Variants in NCOA1 observed in about 807,000 individuals in gnomAD.
NCOA1 encodes Hin-2 protein.
In NCOA1, 35 loss-of-function variants were observed where a neutral mutation model predicts 150.9. The ratio of observed to expected loss-of-function variants is 0.23; its 90% confidence interval spans 0.18 to 0.31. NCOA1 has a LOEUF of 0.31. NCOA1 is among the 10% of genes least tolerant of loss of function. The pLI, the probability that NCOA1 is intolerant of heterozygous loss-of-function variation, is 1.00. For synonymous variants in NCOA1, 590 were observed against 630.0 expected, an observed-to-expected ratio of 0.94 and a Z score of 0.95; for missense variants, 1,491 against 1,749.3, an observed-to-expected ratio of 0.85 and a Z score of 2.63.
intron 3 of NCOA1, among the ~76,000 whole-genome samples, chr2:24,642,040 G>GCGCA (rs1426055780): frequency 6.6e-5 from 10 of 150,486 alleles, no homozygotes; most frequent in Non-Finnish European, 4.4e-5. Context: ...GTGTGTGTGC[G>GCGCA]CGCGTGCGTA....
chr2:24,536,692 C>T (rs1665159380), intron 1 of NCOA1, among the ~76,000 whole-genome samples: 1 of 152,014 alleles, frequency 6.6e-6, no homozygotes, highest in Non-Finnish European at 1.5e-5. Context: ...GTTAGTTTTC[C>T]TTCTAACACT....
chr2:24,668,325 T>A (rs536202739), intron 6 of NCOA1, among the ~76,000 whole-genome samples: 1 of 152,278 alleles, frequency 6.6e-6, no homozygotes, highest in Admixed American at 6.5e-5. Flanking sequence ...AGCCCTCATG[T>A]AGTGCCCAGC....
rs778307197 is a variant in NCOA1, at chr2:24,728,276, G to A, written c.2718-32G>A. The A allele has an allele frequency of 6.4e-6, 10 of 1,574,154 alleles. No homozygotes were observed. The East Asian group carries it at 1.8e-4, about 28-fold the overall frequency. The stretch of plus-strand genomic sequence containing the variant: ...ATTGAATAAATTATTTGCTATGTCA[G>A]TCTGAAACTTTCTTGTTTTTTAATC... On this transcript the variant is annotated intron_variant, in intron 15 of 22. Transcript: ENST00000348332.
At chr2:24,724,401 T>C (rs1001983381) in intron 14 of NCOA1, among the ~76,000 whole-genome samples, 3 of 152,166 alleles carry the variant, frequency 2.0e-5, no homozygotes, top group Non-Finnish European at 4.4e-5. Flanking sequence ...GAAGCATACC[T>C]TCACATTTTT....
chr2:24,540,550 C>A (rs930637442), intron 1 of NCOA1, among the ~76,000 whole-genome samples: 8 of 151,966 alleles, frequency 5.3e-5, no homozygotes, highest in Admixed American at 3.3e-4. Flanking sequence ...CCTCTGCCTC[C>A]CAGGTTCAAG....
intron 3 of NCOA1, among the ~76,000 whole-genome samples, chr2:24,600,671 G>C (rs1381452747): frequency 6.6e-6 from 1 of 152,148 alleles, no homozygotes; most frequent in East Asian, 1.9e-4. Context: ...CACTGTGCTT[G>C]AGCCTACATC....
chr2:24,648,610 T>C (rs544010148), intron 4 of NCOA1, among the ~76,000 whole-genome samples: 141 of 152,260 alleles, frequency 9.3e-4, no homozygotes, highest in African/African-American at 3.3e-3. Context: ...CCCTTTCAGG[T>C]TGGGAGGGTG....
At chr2:24,706,005 T>G (rs1050269751) in intron 12 of NCOA1, among the ~76,000 whole-genome samples, 1 of 152,176 alleles carries the variant, frequency 6.6e-6, no homozygotes, top group Non-Finnish European at 1.5e-5. Context: ...TCTTTTTTTT[T>G]CATATTGTGA....
chr2:24,736,221 CAAAAAAA>C (rs758822213), intron 17 of NCOA1, among the ~76,000 whole-genome samples: 1 of 63,582 alleles, frequency 1.6e-5, no homozygotes, highest in East Asian at 5.1e-4. Context: ...AACTCCGTCT[CAAAAAAA>C]AAAAAAAAAG....
At chr2:24,587,280 G>T (rs1326237559) in intron 3 of NCOA1, among the ~76,000 whole-genome samples, 1 of 151,732 alleles carries the variant, frequency 6.6e-6, no homozygotes, top group Non-Finnish European at 1.5e-5. Context: ...GGTAGATAAA[G>T]GAAGGATTAA....
intron 17 of NCOA1, among the ~76,000 whole-genome samples, chr2:24,737,286 A>T (rs1572662951): frequency 6.6e-6 from 1 of 152,178 alleles, no homozygotes; most frequent in Non-Finnish European, 1.5e-5. Flanking sequence ...TGTACACAGC[A>T]CTAGTCAGGT....
At chr2:24,527,893 T>C (rs1664718684) in intron 1 of NCOA1, among the ~76,000 whole-genome samples, 1 of 152,212 alleles carries the variant, frequency 6.6e-6, no homozygotes, top group Non-Finnish European at 1.5e-5. Context: ...CATAGTGTTT[T>C]GATTTGCATT....
At chr2:24,750,693 A>G (rs914370379) in intron 19 of NCOA1, among the ~76,000 whole-genome samples, 8 of 152,178 alleles carry the variant, frequency 5.3e-5, no homozygotes, top group Non-Finnish European at 1.2e-4. Flanking sequence ...AGGATTGACT[A>G]CAAACAGGTA....
At chr2:24,562,621 T>C (rs1666334288) in intron 1 of NCOA1, among the ~76,000 whole-genome samples, 1 of 152,224 alleles carries the variant, frequency 6.6e-6, no homozygotes, top group Admixed American at 6.5e-5. Context: ...TAAGGGTTGC[T>C]GCACAGCATT....
intron 12 of NCOA1, among the ~76,000 whole-genome samples, 162 bp downstream of exon 12, chr2:24,705,395 T>C (rs1458418991): frequency 6.6e-6 from 1 of 152,200 alleles, no homozygotes; most frequent in Non-Finnish European, 1.5e-5. Context: ...TTGGGTTTTA[T>C]AGTTTTATCA....
chr2:24,514,188 T>C (rs1664055287), intron 1 of NCOA1, among the ~76,000 whole-genome samples: 1 of 144,412 alleles, frequency 6.9e-6, no homozygotes. Flanking sequence ...CTCGGGAGGC[T>C]GAGGTGGGAG....
intron 14 of NCOA1, among the ~76,000 whole-genome samples, chr2:24,717,574 T>A (rs1394328856): frequency 1.3e-5 from 2 of 152,140 alleles, no homozygotes; most frequent in African/African-American, 4.8e-5. Flanking sequence ...TGTGTTCATA[T>A]CATGTATAAA....
At chr2:24,715,482 T>G (rs1305276635) in intron 14 of NCOA1, among the ~76,000 whole-genome samples, 4 of 152,120 alleles carry the variant, frequency 2.6e-5, no homozygotes, top group African/African-American at 9.7e-5. Flanking sequence ...TCTATAAGTG[T>G]CCTGCATGTA....
At chr2:24,543,678 T>C (rs1284409709) in intron 1 of NCOA1, among the ~76,000 whole-genome samples, 1 of 151,892 alleles carries the variant, frequency 6.6e-6, no homozygotes, top group Non-Finnish European at 1.5e-5. Context: ...AACATCTGAA[T>C]TGAGACAAGA....
Sources: gnomAD v4.1 joint callset for allele counts (sites outside exome capture counted in the v4.1 genomes callset) on GRCh38, gnomAD v4.1.1 for gene constraint, MANE v1.5 for transcripts, NCBI Gene and HGNC (gene_info 2026-07-23, HGNC 2026-07-21) for gene names.